RGS6: variants seen among roughly 807,000 people sequenced by gnomAD.
The protein encoded by RGS6 is regulator of G-protein signaling 6.
In RGS6, 30 loss-of-function variants were observed where a neutral mutation model predicts 78.5. That is an observed-to-expected ratio of 0.38 (90% CI 0.29 to 0.52). The LOEUF (loss-of-function observed/expected upper bound fraction) is 0.52. Ranked by LOEUF, RGS6 falls within the 20% of genes least tolerant of loss-of-function variation. The pLI is 0.85. For missense variants in RGS6, 495 were observed against 609.7 expected, an observed-to-expected ratio of 0.81 and a Z score of 1.98; for synonymous variants, 206 against 206.0, an observed-to-expected ratio of 1.00 and a Z score of 0.00.
At chr14:72,200,086 A>G (rs1264341468) in intron 2 of RGS6, among the ~76,000 whole-genome samples, 1 of 152,142 alleles carries the variant, frequency 6.6e-6, no homozygotes, top group East Asian at 1.9e-4. Context: ...AAAGTGACCT[A>G]ATTAATCTGT....
At chr14:72,326,252 G>A (rs1334823288) in intron 2 of RGS6, among the ~76,000 whole-genome samples, 1 of 152,162 alleles carries the variant, frequency 6.6e-6, no homozygotes. Context: ...AGAAAACAAA[G>A]TGCTGACAGC....
Position 72,390,298 on chromosome 14 carries a change from A to C in RGS6, c.184+38104A>C, listed in dbSNP as rs113668099. Among the ~76,000 whole-genome samples the C allele has an allele frequency of 4.4e-3, 672 of 152,036 alleles. 7 individuals are homozygous for C. Among genetic ancestry groups the C allele is most frequent in the African/African-American group, 0.016 (647 of 41,472 alleles). The stretch of plus-strand genomic sequence containing the variant: ...TTTTTAGTAGAGACGGGGTTTTGCC[A>C]TGTTGGCCAGGCTGGTCTTGAACTC... On this transcript the variant is annotated intron_variant, in intron 3 of 17. Coordinates refer to ENST00000553525, the MANE Select transcript of RGS6 (RefSeq NM_001204424.2).
chr14:71,873,110 A>T, the RGS6 span, among the ~76,000 whole-genome samples: 1 of 152,188 alleles, frequency 6.6e-6, no homozygotes, highest in Non-Finnish European at 1.5e-5. Context: ...ATACGTGTGC[A>T]TGTGTCTTTA....
intron 2 of RGS6, among the ~76,000 whole-genome samples, chr14:72,157,811 A>G (rs547749410): frequency 6.6e-6 from 1 of 152,306 alleles, no homozygotes; most frequent in Admixed American, 6.5e-5. Context: ...GTAAAGATGC[A>G]GGACCACCAT....
intron 2 of RGS6, among the ~76,000 whole-genome samples, chr14:72,208,325 G>A (rs928870235): frequency 4.6e-5 from 7 of 152,238 alleles, no homozygotes; most frequent in Admixed American, 6.5e-5. Context: ...AGAGAGAGAA[G>A]TCCTGTCCTG....
intron 2 of RGS6, among the ~76,000 whole-genome samples, chr14:72,072,882 G>T (rs2094455782): frequency 6.6e-6 from 1 of 152,182 alleles, no homozygotes; most frequent in African/African-American, 2.4e-5. Context: ...CTCCAATGTG[G>T]CTGCACATTG....
chr14:72,228,451 ATCT>A (rs1567524104), intron 2 of RGS6, among the ~76,000 whole-genome samples: 1 of 152,190 alleles, frequency 6.6e-6, no homozygotes, highest in East Asian at 1.9e-4. Flanking sequence ...TACGTTCATC[ATCT>A]TGTTAGTAGG....
chr14:72,507,462 G>A (rs1433008324), intron 13 of RGS6, among the ~76,000 whole-genome samples: 2 of 152,192 alleles, frequency 1.3e-5, no homozygotes, highest in East Asian at 3.8e-4. Context: ...ATCCTAAGAA[G>A]CTAATACACC....
chr14:72,105,257 C>G (rs951438914), intron 2 of RGS6, among the ~76,000 whole-genome samples: 3 of 152,206 alleles, frequency 2.0e-5, no homozygotes, highest in Non-Finnish European at 4.4e-5. Flanking sequence ...TCTAATAAAT[C>G]AAATCTTTCC....
intron 2 of RGS6, among the ~76,000 whole-genome samples, chr14:72,033,062 A>G (rs1368753420): frequency 1.3e-5 from 2 of 152,260 alleles, no homozygotes; most frequent in East Asian, 3.8e-4. Context: ...CCAATTAAGC[A>G]CAATAGCTTA....
In RGS6 at chr14:72,039,043, A is replaced by G. The variant is rs934322964; in HGVS notation, c.84+74168A>G. On this transcript the variant is annotated intron_variant, in intron 2 of 17. Coordinates refer to ENST00000553525, the MANE Select transcript of RGS6 (RefSeq NM_001204424.2). ...AGATGTGATCCTTGTTGGTTTTCCA[A>G]TGATATGTCCTTTATTAGGTTGACA... Among the ~76,000 whole-genome samples, 7 of 152,220 alleles carry G rather than the reference A, an allele frequency of 4.6e-5. No homozygotes were observed. In the East Asian group the frequency reaches 1.3e-3, roughly 29 times the overall value.
chr14:72,493,352 A>G (rs959934733), intron 12 of RGS6, among the ~76,000 whole-genome samples: 6 of 152,218 alleles, frequency 3.9e-5, no homozygotes, highest in Admixed American at 1.3e-4. Context: ...ACTAGACACT[A>G]TGATAACCAA....
chr14:72,369,548 A>G (rs2083066233), intron 3 of RGS6, among the ~76,000 whole-genome samples: 1 of 152,254 alleles, frequency 6.6e-6, no homozygotes, highest in Admixed American at 6.5e-5. Flanking sequence ...AGATGACACA[A>G]TGATTTTTTT....
intron 4 of RGS6, among the ~76,000 whole-genome samples, chr14:72,457,084 T>TAAAAAAAA (rs747066432): frequency 2.3e-3 from 190 of 82,112 alleles, no homozygotes; most frequent in Non-Finnish European, 3.7e-3. Flanking sequence ...GACCTGTCTC[T>TAAAAAAAA]AAAAAAAAAA....
chr14:72,032,804 A>G (rs2091111182), intron 2 of RGS6, among the ~76,000 whole-genome samples: 1 of 152,210 alleles, frequency 6.6e-6, no homozygotes, highest in Admixed American at 6.5e-5. Flanking sequence ...TTAAGGCTGA[A>G]TAATATTTTA....
intron 2 of RGS6, among the ~76,000 whole-genome samples, chr14:72,218,201 A>G (rs1599726692): frequency 6.6e-6 from 1 of 152,234 alleles, no homozygotes; most frequent in South Asian, 2.1e-4. Context: ...GATGAGCAGA[A>G]ATGGGATTTC....
chr14:72,085,256 G>T (rs905389439), intron 2 of RGS6, among the ~76,000 whole-genome samples: 1 of 152,108 alleles, frequency 6.6e-6, no homozygotes, highest in Non-Finnish European at 1.5e-5. Context: ...GTCAATAAAT[G>T]GCATACTTTA....
chr14:72,044,715 A>G (rs2092696446), intron 2 of RGS6, among the ~76,000 whole-genome samples: 1 of 152,102 alleles, frequency 6.6e-6, no homozygotes, highest in African/African-American at 2.4e-5. Context: ...TACTAAAAAT[A>G]CAAAAAAATA....
the RGS6 span, chr14:72,619,955 G>A: frequency 6.5e-7 from 1 of 1,535,410 alleles, no homozygotes; most frequent in Non-Finnish European, 8.7e-7. Flanking sequence ...GATAGCCTCG[G>A]TCACAGTCAT....
Sources: gnomAD v4.1 joint callset for allele counts (sites outside exome capture counted in the v4.1 genomes callset) on GRCh38, gnomAD v4.1.1 for gene constraint, MANE v1.5 for transcripts, NCBI Gene and HGNC (gene_info 2026-07-23, HGNC 2026-07-21) for gene names.